BRINP3: variants seen among roughly 807,000 people sequenced by gnomAD.
BRINP3 encodes BMP/retinoic acid inducible neural specific 3.
BRINP3 carries 19 observed loss-of-function variants against 71.0 expected under a neutral mutation model. The observed-to-expected ratio is 0.27, with a 90% CI of 0.19 to 0.39. The LOEUF is 0.39. Ranked by LOEUF, BRINP3 falls within the 10% of genes least tolerant of loss-of-function variation. The pLI, the probability that BRINP3 is intolerant of heterozygous loss-of-function variation, is 1.00. For synonymous variants in BRINP3, 380 were observed against 337.7 expected (o/e 1.13, Z -1.37); for missense variants, 959 against 940.8 (o/e 1.02, Z -0.25).
At chr1:190,461,197 A>G (rs963836347) in intron 1 of BRINP3, among the ~76,000 whole-genome samples, 1 of 152,204 alleles carries the variant, frequency 6.6e-6, no homozygotes. Context: ...TTTCTTATGT[A>G]TATGTGCCAG....
intron 7 of BRINP3, among the ~76,000 whole-genome samples, chr1:190,111,191 A>AAC (rs1193338634): frequency 6.7e-6 from 1 of 149,636 alleles, no homozygotes; most frequent in East Asian, 1.9e-4. Context: ...TTAAAAAAAA[A>AAC]AAAAAAAAAA....
At chr1:190,344,599 T>A (rs1041721262) in intron 2 of BRINP3, among the ~76,000 whole-genome samples, 1 of 151,900 alleles carries the variant, frequency 6.6e-6, no homozygotes, top group African/African-American at 2.4e-5. Flanking sequence ...TTTCTGATAA[T>A]CATGGTTTCT....
intron 4 of BRINP3, among the ~76,000 whole-genome samples, chr1:190,262,392 A>C (rs550669307): frequency 5.9e-4 from 89 of 151,986 alleles, no homozygotes; most frequent in Non-Finnish European, 1.1e-3. Flanking sequence ...TCACGCTTGC[A>C]CTCCCTATGA....
intron 7 of BRINP3, among the ~76,000 whole-genome samples, chr1:190,121,851 A>T (rs1344335945): frequency 6.6e-6 from 1 of 152,178 alleles, no homozygotes; most frequent in African/African-American, 2.4e-5. Flanking sequence ...AAAAAAAGCA[A>T]ATTAGGAGTA....
intron 7 of BRINP3, among the ~76,000 whole-genome samples, chr1:190,143,011 TAGG>T (rs1269593813): frequency 1.3e-5 from 2 of 152,204 alleles, no homozygotes; most frequent in East Asian, 3.9e-4. Flanking sequence ...GGAAAGAAAA[TAGG>T]AGAAGAGAGC....
intron 2 of BRINP3, among the ~76,000 whole-genome samples, chr1:190,339,323 A>C (rs543211459): frequency 2.0e-5 from 3 of 152,062 alleles, no homozygotes; most frequent in East Asian, 1.9e-4. Flanking sequence ...ACTAGAAAAA[A>C]ACAAAGTCAG....
intron 2 of BRINP3, among the ~76,000 whole-genome samples, chr1:190,338,603 C>T (rs1190616448): frequency 4.0e-5 from 6 of 151,868 alleles, no homozygotes; most frequent in African/African-American, 7.2e-5. Context: ...TGATGTTAAA[C>T]GGAAATACAC....
chr1:190,228,388 A>C (rs568332767), intron 5 of BRINP3, among the ~76,000 whole-genome samples: 100 of 152,134 alleles, frequency 6.6e-4, no homozygotes, highest in South Asian at 1.7e-3. Context: ...TTCACACACA[A>C]AAAAACCAAA....
At chr1:190,220,648 T>A (rs1314211468) in intron 6 of BRINP3, among the ~76,000 whole-genome samples, 1 of 151,970 alleles carries the variant, frequency 6.6e-6, no homozygotes, top group African/African-American at 2.4e-5. Flanking sequence ...ATAAAAAAAA[T>A]TGCAACTCAA....
intron 2 of BRINP3, among the ~76,000 whole-genome samples, chr1:190,288,500 C>T (rs907436008): frequency 6.6e-6 from 1 of 151,854 alleles, no homozygotes; most frequent in African/African-American, 2.4e-5. Flanking sequence ...CCTATACTCA[C>T]CAATTTAATT....
intron 6 of BRINP3, among the ~76,000 whole-genome samples, chr1:190,188,028 AT>A (rs1653692359): frequency 6.6e-6 from 1 of 151,182 alleles, no homozygotes; most frequent in Admixed American, 6.6e-5. Context: ...GTATTTTTTT[AT>A]TTATTTCTGT....
intron 7 of BRINP3, among the ~76,000 whole-genome samples, chr1:190,157,132 A>G (rs1656940637): frequency 6.8e-6 from 1 of 147,354 alleles, no homozygotes. Context: ...CCCCAATATT[A>G]AAAAAAAAAA....
At chr1:190,127,322 TATA>T (rs1383819040) in intron 7 of BRINP3, among the ~76,000 whole-genome samples, 11 of 151,986 alleles carry the variant, frequency 7.2e-5, no homozygotes, top group Admixed American at 1.3e-4. Context: ...TGGTCAATAA[TATA>T]ATTTGAAATA....
At chr1:190,201,993 C>T (rs764936437) in intron 6 of BRINP3, among the ~76,000 whole-genome samples, 2 of 152,152 alleles carry the variant, frequency 1.3e-5, no homozygotes, top group Non-Finnish European at 2.9e-5. Context: ...CCTAGTGGAG[C>T]TGTGAGAAGA....
chr1:190,256,610 G>T (rs1481334826), intron 4 of BRINP3, among the ~76,000 whole-genome samples: 1 of 152,092 alleles, frequency 6.6e-6, no homozygotes, highest in Non-Finnish European at 1.5e-5. Flanking sequence ...GGCATGTTTT[G>T]CAGTGGCTGG....
At chr1:190,260,691 A>C (rs956513492) in intron 4 of BRINP3, among the ~76,000 whole-genome samples, 2 of 152,092 alleles carry the variant, frequency 1.3e-5, no homozygotes, top group Non-Finnish European at 2.9e-5. Flanking sequence ...AATAGCTTTA[A>C]AATTTTAATG....
At chr1:190,462,947 T>C (rs1396179156) in intron 1 of BRINP3, among the ~76,000 whole-genome samples, 1 of 151,764 alleles carries the variant, frequency 6.6e-6, no homozygotes, top group Admixed American at 6.6e-5. Flanking sequence ...GTGTTTGCTT[T>C]GTATAGTTTA....
At chr1:190,426,165 A>C (rs1161830833) in intron 2 of BRINP3, among the ~76,000 whole-genome samples, 1 of 151,778 alleles carries the variant, frequency 6.6e-6, no homozygotes, top group African/African-American at 2.4e-5. Flanking sequence ...CCAAAGGCAG[A>C]GTATAATTTC....
intron 4 of BRINP3, among the ~76,000 whole-genome samples, chr1:190,240,736 G>C (rs920330716): frequency 1.3e-5 from 2 of 151,652 alleles, no homozygotes; most frequent in African/African-American, 4.8e-5. Context: ...GCCGGGTGTG[G>C]TGGTGGGTGC....
Sources: gnomAD v4.1 joint callset for allele counts (sites outside exome capture counted in the v4.1 genomes callset) on GRCh38, gnomAD v4.1.1 for gene constraint, MANE v1.5 for transcripts, NCBI Gene and HGNC (gene_info 2026-07-23, HGNC 2026-07-21) for gene names.